The following AP4S1 variants were observed in gnomAD, a reference collection of about 807,000 sequenced individuals.
The protein encoded by AP4S1 is adaptor related protein complex 4 subunit sigma 1.
A neutral mutation model predicts 19.8 loss-of-function variants in AP4S1; 23 were observed. That is an observed-to-expected ratio of 1.16 (90% CI 0.84 to 1.65). AP4S1 has a LOEUF of 1.65. Ranked by LOEUF, AP4S1 falls within the 40% of genes most tolerant of loss-of-function variation. The pLI, the probability that AP4S1 is intolerant of heterozygous loss-of-function variation, is 0.00. For synonymous variants in AP4S1, 46 were observed against 54.1 expected (o/e 0.85, Z 0.66); for missense variants, 166 against 172.8 (o/e 0.96, Z 0.22).
At chr14:31,026,100 C>A in intron 1 of AP4S1, 1 of 1,526,478 alleles carries the variant, frequency 6.6e-7, no homozygotes, top group Non-Finnish European at 8.8e-7. Flanking sequence ...GGGCGAAAGG[C>A]CCAGGTTCCC....
At chr14:31,055,903 G>T (rs1337024394) in intron 1 of AP4S1, among the ~76,000 whole-genome samples, 1 of 151,524 alleles carries the variant, frequency 6.6e-6, no homozygotes, top group African/African-American at 2.4e-5. Flanking sequence ...GAGTGCAGTG[G>T]CATGATCTCG....
chr14:31,061,637 A>G (rs184625521), intron 1 of AP4S1, among the ~76,000 whole-genome samples: 18 of 151,196 alleles, frequency 1.2e-4, no homozygotes, highest in African/African-American at 2.2e-4. Context: ...GCAAGTATAC[A>G]TTAAAATCAA....
chr14:31,043,555 A>G (rs1033028733), intron 1 of AP4S1, among the ~76,000 whole-genome samples: 6 of 152,182 alleles, frequency 3.9e-5, no homozygotes, highest in Non-Finnish European at 7.4e-5. Flanking sequence ...GAGGAGAGAA[A>G]GGAGGTTCTG....
chr14:31,025,712 C>A lies in AP4S1; in HGVS notation c.-147C>A, dbSNP rs576131789. 1.2e-5 allele frequency: 10 copies of A among 827,426 alleles called. No individual in the cohort carries two copies. The highest frequency in any genetic ancestry group is 1.8e-5 in the Non-Finnish European group (10 of 551,580). The allele number at this position is 827,426 out of a possible 1,614,324, so 51.3% of individuals were successfully genotyped here. ...CGCGTAGCCAGTGAAGGTTGGGGAG[C>A]AAGCTTATGCGGGAAAGAGGGAGGG... is the stretch of plus-strand genomic sequence containing the variant. On this transcript the variant is annotated 5_prime_UTR_variant, in exon 1 of 6. Transcript: ENST00000542754.
intron 1 of AP4S1, 126 bp downstream of exon 1, chr14:31,025,913 G>C (rs1465029998): frequency 6.2e-7 from 1 of 1,600,992 alleles, no homozygotes; most frequent in Non-Finnish European, 8.5e-7. Context: ...CCTGCAGTTC[G>C]GCCCGTTCCA....
chr14:31,063,247 A>T (rs764563589), intron 1 of AP4S1, among the ~76,000 whole-genome samples: 2 of 152,144 alleles, frequency 1.3e-5, no homozygotes, highest in Non-Finnish European at 2.9e-5. Flanking sequence ...CCTGGACAAC[A>T]TGGTGAAACC....
chr14:31,058,578 T>TC (rs1886262697), intron 1 of AP4S1, among the ~76,000 whole-genome samples: 1 of 146,764 alleles, frequency 6.8e-6, no homozygotes, highest in Non-Finnish European at 1.5e-5. Flanking sequence ...TGTGTGTGTT[T>TC]AGAGATAGGA....
chr14:31,026,306 G>T, intron 1 of AP4S1: 1 of 1,117,890 alleles, frequency 8.9e-7, no homozygotes, highest in Non-Finnish European at 1.2e-6. Flanking sequence ...CGGGGAAGGG[G>T]TCGTTGCTGT....
chr14:31,054,861 C>T (rs1232440046), intron 1 of AP4S1, among the ~76,000 whole-genome samples: 1 of 94,810 alleles, frequency 1.1e-5, no homozygotes, highest in African/African-American at 4.3e-5. Flanking sequence ...GAGCAAGACT[C>T]TGTCTCAAAA....
In AP4S1 at chr14:31,096,241, C is replaced by T. The variant is rs750718606; in HGVS notation, c.*3206C>T. On this transcript the variant is annotated 3_prime_UTR_variant, in exon 6 of 6. Coordinates refer to ENST00000542754, the MANE Select transcript of AP4S1 (RefSeq NM_001128126.3). ...TTACTGTCATTACAGAAGAGCAATG[C>T]ACTGCATCCCCCCAAAACCTTTCTA... The T allele has an allele frequency of 1.3e-5, 2 of 152,000 alleles. No homozygotes were observed. Among genetic ancestry groups the T allele is most frequent in the Non-Finnish European group, 2.9e-5 (2 of 68,014 alleles). 9.4% of individuals were successfully genotyped at this position (152,000 alleles called of 1,614,324 possible). A position where few individuals can be genotyped will look rare whatever the true frequency, so the allele number is the denominator to read the frequency against.
intron 2 of AP4S1, among the ~76,000 whole-genome samples, chr14:31,067,455 A>T (rs1472529588): frequency 6.2e-5 from 7 of 113,036 alleles, no homozygotes; most frequent in African/African-American, 1.7e-4. Flanking sequence ...CCGGTTTGTG[A>T]TGTCCCCCAC....
At chr14:31,043,532 T>A (rs1401553031) in intron 1 of AP4S1, among the ~76,000 whole-genome samples, 1 of 152,138 alleles carries the variant, frequency 6.6e-6, no homozygotes, top group Non-Finnish European at 1.5e-5. Flanking sequence ...TTACCTACAC[T>A]GGAGAGTAGG....
upstream of AP4S1, chr14:31,025,474 G>C (rs936286205): frequency 5.9e-6 from 1 of 169,750 alleles, no homozygotes; most frequent in Non-Finnish European, 1.2e-5. Context: ...CCGGAAAAGG[G>C]GGGTAAGATG....
At chr14:31,042,537 G>A (rs11624437) in intron 1 of AP4S1, among the ~76,000 whole-genome samples, 15,289 of 152,104 alleles carry the variant, frequency 0.1, 995 homozygotes, top group South Asian at 0.25. Context: ...CCACTCCACA[G>A]ACACAGAGAT....
chr14:31,071,604 A>G (rs992250539), intron 3 of AP4S1, among the ~76,000 whole-genome samples: 2 of 152,030 alleles, frequency 1.3e-5, no homozygotes, highest in Admixed American at 6.6e-5. Flanking sequence ...TATTCTTAGT[A>G]GAGACAGGGT....
Position 31,093,465 on chromosome 14 carries a change from A to ATTAT in AP4S1, c.*432_*433insATTT, listed in dbSNP as rs71430917. 5.4e-5 allele frequency: 8 copies of ATTAT among 148,790 alleles called. No homozygotes were observed. The highest frequency in any genetic ancestry group is 2.0e-4 in the African/African-American group (8 of 40,020). 9.2% of individuals were successfully genotyped at this position (148,790 alleles called of 1,614,324 possible). A position where few individuals can be genotyped will look rare whatever the true frequency, so the allele number is the denominator to read the frequency against. ...TGAGTAACGCTGTTTTCTGAAAGCT[A>ATTAT]TTTTTTTTTTTTTGAGACGGAGTCT... On this transcript the variant is annotated 3_prime_UTR_variant, in exon 6 of 6. Coordinates refer to ENST00000542754, the MANE Select transcript of AP4S1 (RefSeq NM_001128126.3).
intron 1 of AP4S1, among the ~76,000 whole-genome samples, chr14:31,054,925 C>T (rs1886023627): frequency 7.0e-6 from 1 of 143,702 alleles, no homozygotes; most frequent in South Asian, 2.3e-4. Context: ...ATAGTATGTG[C>T]CTTTGACATG....
chr14:31,061,915 A>T (rs1886459404), intron 1 of AP4S1, among the ~76,000 whole-genome samples: 1 of 151,990 alleles, frequency 6.6e-6, no homozygotes, highest in Non-Finnish European at 1.5e-5. Flanking sequence ...CGGTGCTGGG[A>T]TTACAGGCAT....
chr14:31,084,616 C>T (rs889594850), intron 5 of AP4S1, among the ~76,000 whole-genome samples: 2 of 152,210 alleles, frequency 1.3e-5, no homozygotes, highest in Non-Finnish European at 1.5e-5. Flanking sequence ...TGAATACACT[C>T]CTGTGCACTC....
Sources: gnomAD v4.1 joint callset for allele counts (sites outside exome capture counted in the v4.1 genomes callset) on GRCh38, gnomAD v4.1.1 for gene constraint, MANE v1.5 for transcripts, NCBI Gene and HGNC (gene_info 2026-07-23, HGNC 2026-07-21) for gene names.